PCLO: variants seen among roughly 807,000 people sequenced by gnomAD.
The protein encoded by PCLO is piccolo presynaptic cytomatrix protein, also known as protein piccolo.
PCLO carries 82 observed loss-of-function variants against 427.5 expected under a neutral mutation model. The ratio of observed to expected loss-of-function variants is 0.19; its 90% CI spans 0.16 to 0.23. PCLO has a LOEUF of 0.23. PCLO is among the 10% of genes least tolerant of loss of function. The pLI, the probability that PCLO is intolerant of heterozygous loss-of-function variation, is 1.00. For missense variants in PCLO, 6,239 were observed against 6,115.9 expected (o/e 1.02, Z -0.67); for synonymous variants, 2,357 against 2,155.4 (o/e 1.09, Z -2.59).
chr7:82,942,370 A>G (rs571512382), intron 6 of PCLO, among the ~76,000 whole-genome samples: 4 of 152,206 alleles, frequency 2.6e-5, no homozygotes, highest in Admixed American at 6.5e-5. Context: ...TCAACGAACA[A>G]TAAGAATACA....
intron 8 of PCLO, among the ~76,000 whole-genome samples, chr7:82,904,309 C>G (rs1794128762): frequency 6.6e-6 from 1 of 151,812 alleles, no homozygotes; most frequent in African/African-American, 2.4e-5. Context: ...GTCAGCCTCT[C>G]ACTCTTTCCT....
intron 6 of PCLO, among the ~76,000 whole-genome samples, chr7:82,923,242 G>C (rs1199011528): frequency 6.6e-6 from 1 of 151,850 alleles, no homozygotes; most frequent in African/African-American, 2.4e-5. Flanking sequence ...CTAAGTGCAG[G>C]GAAAATAAGA....
chr7:82,845,644 T>TATGTA (rs1792481669), intron 12 of PCLO, among the ~76,000 whole-genome samples, 159 bp from the exon 13 acceptor site: 1 of 152,154 alleles, frequency 6.6e-6, no homozygotes, highest in African/African-American at 2.4e-5. Context: ...ATGTATCAAT[T>TATGTA]TCTAAGGAAG....
rs115616872 is a variant in PCLO at position 82,928,362 on chromosome 7, A to T, written c.11113-11489T>A. 6.4e-3 allele frequency among the ~76,000 whole-genome samples: 977 copies of T among 152,312 alleles called. 15 individuals carry two copies. The highest frequency in any genetic ancestry group is 0.022 in the African/African-American group (915 of 41,568). On this transcript the variant is annotated intron_variant, in intron 6 of 24. Coordinates refer to ENST00000333891, the MANE Select transcript of PCLO (RefSeq NM_033026.6). ...ATATTTTTGTCAGTGATTTAGGTCA[A>T]TTTGTAGATAATCTTTATTTATATA...
At chr7:83,095,031 A>T (rs2116457300) in intron 3 of PCLO, among the ~76,000 whole-genome samples, 1 of 152,296 alleles carries the variant, frequency 6.6e-6, no homozygotes, top group African/African-American at 2.4e-5. Flanking sequence ...AAAAGACTAT[A>T]TAGGATTGGG....
intron 6 of PCLO, among the ~76,000 whole-genome samples, chr7:82,944,856 C>A (rs1446919063): frequency 6.6e-6 from 1 of 152,180 alleles, no homozygotes; most frequent in Non-Finnish European, 1.5e-5. Flanking sequence ...AAACCTTATT[C>A]ACTTAATCTT....
rs745388524 is a variant in PCLO, at chr7:82,952,021, G to C, written c.8932C>G (p.Arg2978Gly). ...GYRDDHYQYD[R>G]SGPYGYRGIG... is the part of the protein sequence containing the mutation. Reference sequence around the variant, plus strand: ...CCTCTATAACCATATGGCCCTGATCGATCATACTGATAGTGGTCATCCCTA... The same window carrying C: ...CCTCTATAACCATATGGCCCTGATCCATCATACTGATAGTGGTCATCCCTA... Residue 2978 changes from arginine (R) to glycine (G), a missense_variant, in exon 5 of 25, where the codon CGA becomes GGA. By Grantham distance (125) the Arg-to-Gly change is moderately radical (BLOSUM62 -2). This residue lies in a region of PCLO where 4,677 missense variants were observed against 4,468.4 expected (regional missense o/e 1.05). Coordinates refer to ENST00000333891, the MANE Select transcript of PCLO (RefSeq NM_033026.6). 3.7e-6 allele frequency: 6 copies of C among 1,613,728 alleles called. No individual in the cohort carries two copies. Among genetic ancestry groups the C allele is most frequent in the Non-Finnish European group, 4.2e-6 (5 of 1,179,826 alleles).
At chr7:83,063,005 T>A (rs1789577684) in intron 3 of PCLO, among the ~76,000 whole-genome samples, 1 of 152,074 alleles carries the variant, frequency 6.6e-6, no homozygotes. Flanking sequence ...TATATTTTCT[T>A]CATATTATAT....
chr7:82,997,547 A>G (rs2040917), intron 3 of PCLO, among the ~76,000 whole-genome samples: 5,366 of 152,090 alleles, frequency 0.035, 319 homozygotes, highest in African/African-American at 0.12. Flanking sequence ...AGATCTCCCT[A>G]TAATCTATAA....
intron 22 of PCLO, among the ~76,000 whole-genome samples, chr7:82,783,403 A>G (rs1236497885): frequency 6.6e-6 from 1 of 152,170 alleles, no homozygotes; most frequent in Non-Finnish European, 1.5e-5. Context: ...TCACGACGTC[A>G]GGAGATCGAG....
chr7:83,133,054 GA>G (rs1174829332), intron 3 of PCLO, among the ~76,000 whole-genome samples: 1 of 151,140 alleles, frequency 6.6e-6, no homozygotes, highest in Non-Finnish European at 1.5e-5. Context: ...AGCTAAAGAG[GA>G]AAAAAAATCT....
At chr7:82,768,889 T>A (rs577242702) in intron 22 of PCLO, among the ~76,000 whole-genome samples, 2 of 152,292 alleles carry the variant, frequency 1.3e-5, no homozygotes, top group African/African-American at 4.8e-5. Flanking sequence ...CTAATTTGCA[T>A]TTATAGAGAA....
chr7:82,872,819 G>A (rs1170903504), intron 10 of PCLO, among the ~76,000 whole-genome samples: 1 of 152,116 alleles, frequency 6.6e-6, no homozygotes, highest in African/African-American at 2.4e-5. Flanking sequence ...AAAGGAACTA[G>A]AGTTACATGT....
At chr7:82,759,241 C>T (rs955973273) in intron 24 of PCLO, among the ~76,000 whole-genome samples, 3 of 151,592 alleles carry the variant, frequency 2.0e-5, no homozygotes, top group African/African-American at 7.3e-5. Context: ...GGGTCTCAAA[C>T]TAAAGAATTT....
At chr7:82,923,642 T>G (rs1296616134) in intron 6 of PCLO, among the ~76,000 whole-genome samples, 2 of 152,084 alleles carry the variant, frequency 1.3e-5, no homozygotes, top group Admixed American at 6.6e-5. Flanking sequence ...TTTCTTTAAT[T>G]ACAATGTTGC....
intron 3 of PCLO, among the ~76,000 whole-genome samples, chr7:83,032,334 A>G (rs1788689090): frequency 6.6e-6 from 1 of 151,934 alleles, no homozygotes; most frequent in Admixed American, 6.6e-5. Flanking sequence ...CAACAGCACA[A>G]GGCTCCCTCT....
At chr7:83,013,798 C>T (rs181792580) in intron 3 of PCLO, among the ~76,000 whole-genome samples, 1 of 152,236 alleles carries the variant, frequency 6.6e-6, no homozygotes, top group Admixed American at 6.5e-5. Flanking sequence ...AATTGCAAGT[C>T]ACTTAGTGTT....
intron 20 of PCLO, among the ~76,000 whole-genome samples, chr7:82,811,658 T>C (rs1483496037): frequency 6.6e-6 from 1 of 151,530 alleles, no homozygotes; most frequent in Non-Finnish European, 1.5e-5. Context: ...AGTTTAATTT[T>C]TTTCCAAATC....
At chr7:83,154,259 A>G (rs148120432) in intron 2 of PCLO, among the ~76,000 whole-genome samples, 5 of 152,336 alleles carry the variant, frequency 3.3e-5, no homozygotes, top group Non-Finnish European at 7.3e-5. Context: ...CTCATTTGAT[A>G]TATCAGAATT....
Sources: gnomAD v4.1 joint callset for allele counts (sites outside exome capture counted in the v4.1 genomes callset) on GRCh38, gnomAD v4.1.1 for gene constraint, gnomAD v4.1.1 regional missense constraint, MANE v1.5 for transcripts, NCBI Gene and HGNC (gene_info 2026-07-23, HGNC 2026-07-21) for gene names.